ALKBH8: variants seen among roughly 807,000 people sequenced by gnomAD.
The protein encoded by ALKBH8 is tRNA (carboxymethyluridine(34)-5-O)-methyltransferase ALKBH8.
In ALKBH8, 36 loss-of-function variants were observed where a neutral mutation model predicts 59.8. The observed-to-expected ratio is 0.60, with a 90% CI of 0.46 to 0.79. The LOEUF (loss-of-function observed/expected upper bound fraction) is 0.79, where lower values mean the gene tolerates loss of function less well. Among genes scored for constraint, ALKBH8 ranks in the 30% least tolerant of loss-of-function variants. The probability of loss-of-function intolerance (pLI) is 0.00; values close to 1 mark genes in which losing one functional copy is unlikely to be tolerated. For synonymous variants in ALKBH8, 276 were observed against 273.6 expected, an observed-to-expected ratio of 1.01 and a Z score of -0.09; for missense variants, 768 against 801.0, an observed-to-expected ratio of 0.96 and a Z score of 0.50.
intron 3 of ALKBH8, 47 bp from the exon 4 acceptor site, chr11:107,554,025 C>T (rs749152452): frequency 3.4e-5 from 55 of 1,602,214 alleles, no homozygotes; most frequent in Admixed American, 1.7e-4. Flanking sequence ...CTTAAAGTTC[C>T]TATATACAAA....
intron 2 of ALKBH8, 96 bp downstream of exon 2, chr11:107,560,669 C>A: frequency 6.6e-6 from 8 of 1,214,066 alleles, no homozygotes; most frequent in African/African-American, 1.5e-5. Context: ...CATGACTGAA[C>A]AATTACAGCC....
chr11:107,529,649 C>T (rs12804653), intron 8 of ALKBH8, among the ~76,000 whole-genome samples: 1,728 of 148,524 alleles, frequency 0.012, 14 homozygotes, highest in Middle Eastern at 0.024. Context: ...GGACTACAGG[C>T]ACACGCCACT....
intron 7 of ALKBH8, 95 bp downstream of exon 7, chr11:107,549,658 C>T (rs1243512342): frequency 7.7e-6 from 7 of 909,916 alleles, no homozygotes; most frequent in Non-Finnish European, 1.1e-5. Flanking sequence ...ATTTTTAAAT[C>T]TTAATTCATT....
chr11:107,550,631 G>C (rs1198875636), intron 6 of ALKBH8, among the ~76,000 whole-genome samples: 2 of 152,210 alleles, frequency 1.3e-5, no homozygotes, highest in African/African-American at 4.8e-5. Flanking sequence ...ATTCAGAGGT[G>C]TAGTATTCAC....
chr11:107,533,881 C>A (rs1413437810), intron 7 of ALKBH8, among the ~76,000 whole-genome samples: 5 of 152,132 alleles, frequency 3.3e-5, no homozygotes, highest in Non-Finnish European at 4.4e-5. Flanking sequence ...GTAATCCCAG[C>A]ACTTTGGGAG....
rs1865102971 is a variant in ALKBH8, at chr11:107,565,611, G to T, written c.-17C>A. 2 of 1,535,722 alleles carry T rather than the reference G, an allele frequency of 1.3e-6. No individual in the cohort carries two copies. Among genetic ancestry groups the T allele is most frequent in the Non-Finnish European group, 1.7e-6 (2 of 1,146,908 alleles). On this transcript the variant is annotated 5_prime_UTR_variant, in exon 1 of 12. Coordinates refer to ENST00000428149, the MANE Select transcript of ALKBH8 (RefSeq NM_138775.3). ...AGAAGTGCCACACACCTCCGCTTCG[G>T]CTCAGGCCGGATTCTCACCATGCGT... is the stretch of plus-strand genomic sequence containing the variant.
intron 7 of ALKBH8, among the ~76,000 whole-genome samples, chr11:107,536,249 T>A (rs1863810713): frequency 6.6e-6 from 1 of 152,262 alleles, no homozygotes; most frequent in Non-Finnish European, 1.5e-5. Context: ...CTATTCTGGT[T>A]CAGGGCATTG....
rs75820576 is a variant in ALKBH8, at chr11:107,520,096, A to G, written c.1287+2203T>C. 2.4e-3 allele frequency among the ~76,000 whole-genome samples: 369 copies of G among 152,296 alleles called. 1 individual carries two copies. Among genetic ancestry groups the G allele is most frequent in the African/African-American group, 8.3e-3 (345 of 41,560 alleles). On this transcript the variant is annotated intron_variant, in intron 10 of 11. Coordinates refer to ENST00000428149, the MANE Select transcript of ALKBH8 (RefSeq NM_138775.3). The stretch of plus-strand genomic sequence containing the variant: ...GTCCCACCCATTTTGAGGTTGTCAC[A>G]TTCCTCCAAGGCTGCCAGACATAGC...
intron 7 of ALKBH8, among the ~76,000 whole-genome samples, chr11:107,534,943 A>G (rs1863751537): frequency 1.3e-5 from 2 of 152,162 alleles, no homozygotes; most frequent in African/African-American, 4.8e-5. Flanking sequence ...AGTCCAATGT[A>G]TCATTCTTAT....
At chr11:107,534,889 G>A (rs531266704) in intron 7 of ALKBH8, among the ~76,000 whole-genome samples, 144 of 152,060 alleles carry the variant, frequency 9.5e-4, no homozygotes, top group Non-Finnish European at 1.3e-3. Flanking sequence ...CCAATGTGTA[G>A]TCCTTTACCC....
Position 107,532,421 on chromosome 11 carries a change from A to G in ALKBH8, c.772-15T>C, listed in dbSNP as rs994286805. 3 of 1,602,878 alleles carry G rather than the reference A, an allele frequency of 1.9e-6. No homozygotes were observed. Among genetic ancestry groups the G allele is most frequent in the Non-Finnish European group, 2.6e-6 (3 of 1,170,186 alleles). On this transcript the variant is annotated splice_polypyrimidine_tract_variant and intron_variant, in intron 7 of 11. Coordinates refer to ENST00000428149, the MANE Select transcript of ALKBH8 (RefSeq NM_138775.3). ...TCCATGACAATCTTGAAGCAAAGAT[A>G]AAAGCATAAAGATCAATCCAAAATT... is the stretch of plus-strand genomic sequence containing the variant.
At position 107,504,822 on chromosome 11, in the gene ALKBH8, A is replaced by AT; in HGVS notation, c.1830dup (p.Phe611IlefsTer22). ...GGGTCCTGGGATCCTATGGGACCAAATGGCTCAACAGGTTTGCCTTTATCA... is the reference window on the plus strand; with the variant it reads ...GGGTCCTGGGATCCTATGGGACCAAATTGGCTCAACAGGTTTGCCTTTATCA... On this transcript the variant is annotated frameshift_variant, in exon 12 of 12. Coordinates refer to ENST00000428149, the MANE Select transcript of ALKBH8 (RefSeq NM_138775.3). LOFTEE classifies it high-confidence loss of function. The AT allele has an allele frequency of 1.3e-6, 2 of 1,551,858 alleles. No homozygotes were observed. Among genetic ancestry groups the AT allele is most frequent in the Non-Finnish European group, 1.7e-6 (2 of 1,147,018 alleles).
In ALKBH8 at chr11:107,522,665, A is replaced by C; in HGVS notation, c.1031-110T>G. The C allele has an allele frequency of 4.8e-6, 6 of 1,241,946 alleles. No homozygotes were observed. The South Asian group carries it at 9.6e-5, about 20-fold the overall frequency. 76.9% of individuals were successfully genotyped at this position (1,241,946 alleles called of 1,614,324 possible). A position where few individuals can be genotyped will look rare whatever the true frequency, so the allele number is the denominator to read the frequency against. ...CAATGCAAATTTGGTGGGTAGACAG[A>C]CTCTGATTTATCCGTTAAAAGAAAA... On this transcript the variant is annotated intron_variant, in intron 9 of 11. Transcript: ENST00000428149.
In ALKBH8 at chr11:107,557,009, A is replaced by AAAAC. The variant is rs770185897; in HGVS notation, c.130-10_130-7dup. 6.5e-6 allele frequency: 10 copies of AAAAC among 1,535,016 alleles called. No homozygotes were observed. The East Asian group carries it at 7.1e-5, about 11-fold the overall frequency. ...CCATTGGCAACAACCAGGCTCTTAA[A>AAAAC]AAACAAACAAACAAACAAAAAGAAA... On this transcript the variant is annotated splice_region_variant and splice_polypyrimidine_tract_variant and intron_variant, in intron 2 of 11. Coordinates refer to ENST00000428149, the MANE Select transcript of ALKBH8 (RefSeq NM_138775.3).
chr11:107,531,444 G>A (rs897700385), intron 8 of ALKBH8, among the ~76,000 whole-genome samples: 5 of 151,958 alleles, frequency 3.3e-5, no homozygotes, highest in South Asian at 4.2e-4. Flanking sequence ...TAACACAACC[G>A]GCCTCCTCAA....
rs1344690798 is a variant in ALKBH8, at chr11:107,503,894, C to G, written c.*764G>C. 1 of 152,158 alleles carries G rather than the reference C, an allele frequency of 6.6e-6. No homozygotes were observed. The highest frequency in any genetic ancestry group is 1.5e-5 in the Non-Finnish European group (1 of 68,022). The allele number at this position is 152,158 out of a possible 1,614,324, so 9.4% of individuals were successfully genotyped here. A position where few individuals can be genotyped will look rare whatever the true frequency, so the allele number is the denominator to read the frequency against. On this transcript the variant is annotated 3_prime_UTR_variant, in exon 12 of 12. Transcript: ENST00000428149. ...AGTCACTTAAAAGTAATCTTTTGCT[C>G]CAAGGTGAATCGTCTCTCATTTTAT...
At chr11:107,527,521 G>A (rs1401557255) in intron 8 of ALKBH8, among the ~76,000 whole-genome samples, 1 of 151,856 alleles carries the variant, frequency 6.6e-6, no homozygotes, top group Admixed American at 6.6e-5. Context: ...TCCATCTGTT[G>A]TAAGAAACAG....
At chr11:107,518,085 GA>G (rs1178195009) in intron 10 of ALKBH8, among the ~76,000 whole-genome samples, 4 of 148,192 alleles carry the variant, frequency 2.7e-5, no homozygotes, top group Non-Finnish European at 6.0e-5. Context: ...ATAAAATACA[GA>G]AAAAATACTG....
chr11:107,557,933 G>A (rs888034679), intron 2 of ALKBH8, among the ~76,000 whole-genome samples: 4 of 152,134 alleles, frequency 2.6e-5, no homozygotes, highest in African/African-American at 9.7e-5. Flanking sequence ...AGAAAGCCAT[G>A]GATGGCCTAC....
Sources: allele counts gnomAD v4.1 joint callset (sites outside exome capture counted in the v4.1 genomes callset), GRCh38; gene constraint gnomAD v4.1.1; transcripts MANE v1.5; gene names NCBI Gene and HGNC (gene_info 2026-07-23, HGNC 2026-07-21).